Variants in ETV1 observed in about 807,000 individuals in gnomAD.
ETV1 encodes ETS variant transcription factor 1, also known as ETS translocation variant 1.
In ETV1, 27 loss-of-function variants were observed where a neutral mutation model predicts 62.3. That is an observed-to-expected ratio of 0.43 (90% CI 0.32 to 0.60). The LOEUF (loss-of-function observed/expected upper bound fraction) is 0.60, where lower values mean the gene tolerates loss of function less well. Ranked by LOEUF, ETV1 falls within the 20% of genes least tolerant of loss-of-function variation. The pLI, the probability that ETV1 is intolerant of heterozygous loss-of-function variation, is 0.06. For synonymous variants in ETV1, 222 were observed against 199.6 expected, an observed-to-expected ratio of 1.11 and a Z score of -0.94; for missense variants, 605 against 605.8, an observed-to-expected ratio of 1.00 and a Z score of 0.01.
At chr7:13,986,129 T>C in intron 5 of ETV1, 2 of 1,590,626 alleles carry the variant, frequency 1.3e-6, no homozygotes, top group Non-Finnish European at 1.7e-6. Flanking sequence ...ACGTTCTGTG[T>C]TGTGAACAAG....
At chr7:13,987,524 T>C (rs1782654703) in intron 4 of ETV1, among the ~76,000 whole-genome samples, 1 of 152,180 alleles carries the variant, frequency 6.6e-6, no homozygotes, top group Non-Finnish European at 1.5e-5. Flanking sequence ...CAAATAGTAT[T>C]ATAATTATTA....
intron 9 of ETV1, among the ~76,000 whole-genome samples, chr7:13,919,819 A>T (rs1455041195): frequency 6.6e-6 from 1 of 152,188 alleles, no homozygotes. Flanking sequence ...TAAACACTTT[A>T]AAAAATGTTA....
chr7:13,977,359 A>G, intron 6 of ETV1, 68 bp downstream of exon 6: 1 of 1,122,976 alleles, frequency 8.9e-7, no homozygotes, highest in Non-Finnish European at 1.3e-6. Flanking sequence ...AAACCAACCA[A>G]AGAGAAAGAA....
rs763791524 is a variant in ETV1 at position 13,906,421 on chromosome 7, T to C, written c.1110+9A>G. On this transcript the variant is annotated intron_variant, in intron 12 of 13. Transcript: ENST00000430479. ...TCTGAGTGTCCTAATTAAAATCTAT[T>C]AAACTAACCTCTTCAGGCTCAATCA... is the stretch of plus-strand genomic sequence containing the variant. 4 of 1,544,084 alleles carry C rather than the reference T, an allele frequency of 2.6e-6. No homozygotes were observed. The highest frequency in any genetic ancestry group is 2.5e-5 in the South Asian group (2 of 78,878).
chr7:13,955,391 T>A (rs528067739), intron 6 of ETV1, among the ~76,000 whole-genome samples: 1 of 152,290 alleles, frequency 6.6e-6, no homozygotes, highest in African/African-American at 2.4e-5. Context: ...CACTTTTTTT[T>A]AAAGCAGTCA....
intron 6 of ETV1, among the ~76,000 whole-genome samples, chr7:13,952,805 G>A (rs534061741): frequency 1.2e-4 from 18 of 152,126 alleles, no homozygotes; most frequent in Admixed American, 5.2e-4. Flanking sequence ...CATCACAAGC[G>A]TCATTAATTG....
At chr7:13,945,203 G>A (rs1788010172) in intron 6 of ETV1, among the ~76,000 whole-genome samples, 1 of 152,148 alleles carries the variant, frequency 6.6e-6, no homozygotes, top group South Asian at 2.1e-4. Flanking sequence ...AAACTTTTTA[G>A]GTGATGCTCA....
chr7:13,915,320 TATC>T (rs1268167139), intron 9 of ETV1, among the ~76,000 whole-genome samples: 1 of 152,202 alleles, frequency 6.6e-6, no homozygotes, highest in Non-Finnish European at 1.5e-5. Context: ...TATCTGAAAT[TATC>T]ATATACTCAG....
intron 5 of ETV1, among the ~76,000 whole-genome samples, chr7:13,979,077 G>A (rs1183314189): frequency 2.6e-5 from 4 of 151,918 alleles, no homozygotes; most frequent in African/African-American, 9.7e-5. Flanking sequence ...TGATACTGTG[G>A]GTAACAACTT....
chr7:13,935,749 T>C lies in ETV1; in HGVS notation c.513A>G (p.Pro171=). 3 of 1,613,760 alleles carry C rather than the reference T, an allele frequency of 1.9e-6. No individual in the cohort carries two copies. Among genetic ancestry groups the C allele is most frequent in the Non-Finnish European group, 2.5e-6 (3 of 1,179,838 alleles). The change falls in exon 8 of 14, where the codon CCA becomes CCG. Residue 171 remains proline (P), a synonymous_variant. Coordinates refer to ENST00000430479, the MANE Select transcript of ETV1 (RefSeq NM_004956.5). Reference sequence around the variant, plus strand: ...AGCTGCTATCTGGTATGGACTGCGATGGAGGGAGGTGAGCTGGGAAGGCCC... The same window carrying C: ...AGCTGCTATCTGGTATGGACTGCGACGGAGGGAGGTGAGCTGGGAAGGCCC... The part of the protein sequence containing the change: ...PDRAFPAHLP[P]SQSIPDSSYP...
chr7:13,896,249 G>A (rs1390245772), intron 13 of ETV1, among the ~76,000 whole-genome samples, 162 bp from the exon 14 acceptor site: 1 of 144,726 alleles, frequency 6.9e-6, no homozygotes, highest in African/African-American at 2.6e-5. Flanking sequence ...AAAAAAAAAA[G>A]TCTTTACTTT....
At chr7:13,945,101 T>A (rs1039794000) in intron 6 of ETV1, among the ~76,000 whole-genome samples, 1 of 152,178 alleles carries the variant, frequency 6.6e-6, no homozygotes, top group Non-Finnish European at 1.5e-5. Context: ...CAGTTTGTGA[T>A]ACTTTGTTAC....
intron 6 of ETV1, among the ~76,000 whole-genome samples, chr7:13,950,899 A>AACACACAC (rs67539493): frequency 0.023 from 3,130 of 138,824 alleles, 63 homozygotes; most frequent in African/African-American, 0.05. Flanking sequence ...CTTCTCTAGG[A>AACACACAC]ACACACACAC....
intron 6 of ETV1, among the ~76,000 whole-genome samples, chr7:13,941,193 G>A (rs181336163): frequency 2.6e-5 from 4 of 152,136 alleles, no homozygotes; most frequent in Non-Finnish European, 5.9e-5. Context: ...TCAATTATGA[G>A]GACTTGAATT....
At chr7:13,987,826 TA>T (rs1414692032) in intron 4 of ETV1, among the ~76,000 whole-genome samples, 1 of 152,216 alleles carries the variant, frequency 6.6e-6, no homozygotes, top group East Asian at 1.9e-4. Context: ...CAAAGGTATT[TA>T]AACACAAAAC....
intron 6 of ETV1, among the ~76,000 whole-genome samples, chr7:13,976,654 G>T (rs1035276702): frequency 6.6e-6 from 1 of 152,142 alleles, no homozygotes; most frequent in African/African-American, 2.4e-5. Context: ...CTTAGTATTT[G>T]CTCCTTTGGT....
At chr7:13,954,222 A>G (rs1789153278) in intron 6 of ETV1, among the ~76,000 whole-genome samples, 1 of 152,252 alleles carries the variant, frequency 6.6e-6, no homozygotes, top group South Asian at 2.1e-4. Context: ...TTTTAAAGGC[A>G]ATAAAATAAG....
intron 6 of ETV1, among the ~76,000 whole-genome samples, chr7:13,944,460 G>T (rs1038249732): frequency 2.6e-5 from 4 of 151,898 alleles, no homozygotes; most frequent in Non-Finnish European, 5.9e-5. Flanking sequence ...AATCCCATTG[G>T]CTCCATCTTC....
chr7:13,931,518 A>G lies in ETV1; in HGVS notation c.786T>C (p.Asp262=). Residue 262 remains aspartate, a synonymous_variant, in exon 9 of 14, where the codon GAT becomes GAC. Coordinates refer to ENST00000430479, the MANE Select transcript of ETV1 (RefSeq NM_004956.5). ...CAGGCCTACCTGAGTCATATGCAAA[A>G]TCTCTGGGTTCCTGTTTAATCATCA... ...PPLMIKQEPR[D]FAYDSEVPSC... The G allele has an allele frequency of 6.2e-7, 1 of 1,614,002 alleles. No individual in the cohort carries two copies. The highest frequency in any genetic ancestry group is 8.5e-7 in the Non-Finnish European group (1 of 1,179,886).
Sources: gnomAD v4.1 joint callset for allele counts (sites outside exome capture counted in the v4.1 genomes callset) on GRCh38, gnomAD v4.1.1 for gene constraint, MANE v1.5 for transcripts, NCBI Gene and HGNC (gene_info 2026-07-23, HGNC 2026-07-21) for gene names.